Variants in SLC25A13 observed in about 807,000 individuals in gnomAD.
SLC25A13 encodes the protein electrogenic aspartate/glutamate antiporter SLC25A13, mitochondrial.
A neutral mutation model predicts 85.5 loss-of-function variants in SLC25A13; 70 were observed. The ratio of observed to expected loss-of-function variants is 0.82; its 90% CI spans 0.68 to 1.00. SLC25A13 has a LOEUF of 1.00. Among genes scored for constraint, SLC25A13 ranks in the 50% least tolerant of loss-of-function variants. SLC25A13 has a pLI of 0.00. For missense variants in SLC25A13, 765 were observed against 819.8 expected, an observed-to-expected ratio of 0.93 and a Z score of 0.82; for synonymous variants, 259 against 288.7, an observed-to-expected ratio of 0.90 and a Z score of 1.04.
chr7:96,298,882 A>G (rs1799450566), intron 1 of SLC25A13, among the ~76,000 whole-genome samples: 1 of 145,546 alleles, frequency 6.9e-6, no homozygotes, highest in Non-Finnish European at 1.5e-5. Context: ...TCAGGTCTCT[A>G]TTCTGAGAAA....
rs772104858 is a variant in SLC25A13 at position 96,185,062 on chromosome 7, G to A, written c.934-51C>T. The A allele has an allele frequency of 2.0e-6, 3 of 1,491,642 alleles. No individual in the cohort carries two copies. In the African/African-American group the frequency reaches 4.2e-5, roughly 21 times the overall value. 92.4% of individuals were successfully genotyped at this position (1,491,642 alleles called of 1,614,324 possible). A position where few individuals can be genotyped will look rare whatever the true frequency, so the allele number is the denominator to read the frequency against. On this transcript the variant is annotated intron_variant, in intron 9 of 17. Coordinates refer to ENST00000265631, the MANE Select transcript of SLC25A13 (RefSeq NM_014251.3). ...GAGCAGGAAAACAGGTGACAGAAAA[G>A]AAGATAAAACAAAAATGACCATACA...
At chr7:96,168,477 G>A (rs1793864222) in intron 13 of SLC25A13, among the ~76,000 whole-genome samples, 1 of 152,126 alleles carries the variant, frequency 6.6e-6, no homozygotes, top group South Asian at 2.1e-4. Context: ...ATGCCAATGT[G>A]CTTTGTGTTT....
At chr7:96,265,125 A>C (rs776134939) in intron 3 of SLC25A13, among the ~76,000 whole-genome samples, 4 of 152,178 alleles carry the variant, frequency 2.6e-5, no homozygotes, top group Non-Finnish European at 5.9e-5. Context: ...ACTAGTGGCA[A>C]TGTGCAATCT....
intron 9 of SLC25A13, among the ~76,000 whole-genome samples, chr7:96,188,478 C>T (rs1475591452): frequency 1.3e-5 from 2 of 152,346 alleles, no homozygotes; most frequent in East Asian, 3.9e-4. Context: ...CCCAGAGCTC[C>T]ATGCCAGAAA....
chr7:96,200,988 C>A (rs1795236714), intron 5 of SLC25A13, among the ~76,000 whole-genome samples: 1 of 152,172 alleles, frequency 6.6e-6, no homozygotes, highest in Non-Finnish European at 1.5e-5. Flanking sequence ...ACCAAACTAG[C>A]AATGGCTTCC....
chr7:96,135,377 T>C (rs1168430472), intron 14 of SLC25A13, among the ~76,000 whole-genome samples: 2 of 152,320 alleles, frequency 1.3e-5, no homozygotes, highest in African/African-American at 4.8e-5. Context: ...CAGAGACTTA[T>C]TAAATTTCCC....
In SLC25A13 at chr7:96,184,955, G is replaced by T. The variant is rs534585904; in HGVS notation, c.990C>A (p.Tyr330Ter). The change falls in exon 10 of 18, where the codon TAC becomes TAA. Residue 330 changes from tyrosine (Y) to a stop codon, truncating the protein, a stop_gained. Coordinates refer to ENST00000265631, the MANE Select transcript of SLC25A13 (RefSeq NM_014251.3). LOFTEE classifies it high-confidence loss of function. ...CAGCAACAGAACCCAGACCAAACCTGTAGGCCGACTCTGCAACTTGTAGAA... is the reference window on the plus strand; with the variant it reads ...CAGCAACAGAACCCAGACCAAACCTTTAGGCCGACTCTGCAACTTGTAGAA... ...PVLLQVAESA[Y>*]RFGLGSVAGA... 14 of 1,614,184 alleles carry T rather than the reference G, an allele frequency of 8.7e-6. No homozygotes were observed. The highest frequency in any genetic ancestry group is 1.2e-5 in the Non-Finnish European group (14 of 1,180,028).
At chr7:96,303,733 G>C (rs1799638456) in intron 1 of SLC25A13, among the ~76,000 whole-genome samples, 1 of 151,914 alleles carries the variant, frequency 6.6e-6, no homozygotes, top group African/African-American at 2.4e-5. Flanking sequence ...GCAACCTCCT[G>C]CCCTCCCATG....
At chr7:96,178,924 T>C (rs1322363584) in intron 11 of SLC25A13, among the ~76,000 whole-genome samples, 1 of 152,226 alleles carries the variant, frequency 6.6e-6, no homozygotes, top group Non-Finnish European at 1.5e-5. Context: ...TACCCCAAGG[T>C]GGCTGTACAG....
At chr7:96,276,739 T>C (rs1182797596) in intron 3 of SLC25A13, among the ~76,000 whole-genome samples, 1 of 152,244 alleles carries the variant, frequency 6.6e-6, no homozygotes, top group African/African-American at 2.4e-5. Flanking sequence ...GTACAGTTTC[T>C]TTCCTCTAGC....
intron 2 of SLC25A13, among the ~76,000 whole-genome samples, chr7:96,280,204 C>T (rs773122539): frequency 1.2e-4 from 18 of 152,278 alleles, no homozygotes; most frequent in Non-Finnish European, 2.5e-4. Context: ...CTCATTTTTA[C>T]TGCTGTGTCC....
chr7:96,163,116 G>A (rs905186303), intron 13 of SLC25A13, among the ~76,000 whole-genome samples: 4 of 152,134 alleles, frequency 2.6e-5, no homozygotes, highest in Non-Finnish European at 4.4e-5. Context: ...TTCCTATTAC[G>A]ATGTAGGGTC....
At chr7:96,307,018 T>C (rs1799769326) in intron 1 of SLC25A13, 3 of 794,234 alleles carry the variant, frequency 3.8e-6, no homozygotes, top group Non-Finnish European at 6.1e-6. Flanking sequence ...GGGTCCCTTT[T>C]GTACTTCCTT....
At chr7:96,193,229 A>G in intron 5 of SLC25A13, 46 bp from the exon 6 acceptor site, 1 of 1,596,746 alleles carries the variant, frequency 6.3e-7, no homozygotes, top group Admixed American at 1.7e-5. Context: ...TTCTCATTTA[A>G]TAATTACTAC....
intron 14 of SLC25A13, among the ~76,000 whole-genome samples, chr7:96,135,317 C>T (rs1792229698): frequency 6.6e-6 from 1 of 152,148 alleles, no homozygotes; most frequent in East Asian, 1.9e-4. Context: ...GGAGGCGGCC[C>T]TTCACCTCTC....
At chr7:96,123,068 C>A (rs561876317) in intron 15 of SLC25A13, among the ~76,000 whole-genome samples, 1 of 152,136 alleles carries the variant, frequency 6.6e-6, no homozygotes, top group Non-Finnish European at 1.5e-5. Flanking sequence ...GCATACTACA[C>A]GCTTCCATTT....
intron 5 of SLC25A13, among the ~76,000 whole-genome samples, chr7:96,193,465 A>G (rs941187880): frequency 6.6e-6 from 1 of 152,244 alleles, no homozygotes; most frequent in African/African-American, 2.4e-5. Flanking sequence ...CACAAAGAAA[A>G]TGAAAACCGG....
At chr7:96,140,251 C>T (rs1792475770) in intron 14 of SLC25A13, among the ~76,000 whole-genome samples, 1 of 151,786 alleles carries the variant, frequency 6.6e-6, no homozygotes. Context: ...AGCCACCGCG[C>T]CCGGCCTGAT....
chr7:96,313,156 G>A (rs749334465), intron 1 of SLC25A13, among the ~76,000 whole-genome samples: 1 of 152,178 alleles, frequency 6.6e-6, no homozygotes, highest in African/African-American at 2.4e-5. Flanking sequence ...AAAGTGCAGG[G>A]CTAGAGCTTG....
Sources: gnomAD v4.1 joint callset for allele counts (sites outside exome capture counted in the v4.1 genomes callset) on GRCh38, gnomAD v4.1.1 for gene constraint, MANE v1.5 for transcripts, NCBI Gene and HGNC (gene_info 2026-07-23, HGNC 2026-07-21) for gene names.